The following INSL6 variants were observed in gnomAD, a reference collection of about 807,000 sequenced individuals.
The protein encoded by INSL6 is insulin like 6.
Under a neutral mutation model 9.4 loss-of-function variants are expected in INSL6, and 16 were observed. The ratio of observed to expected loss-of-function variants is 1.70; its 90% confidence interval spans 1.15 to 2.59. The LOEUF is 2.59. Among genes scored for constraint, INSL6 ranks in the 30% most tolerant of loss-of-function variants. The pLI is 0.00. For synonymous variants in INSL6, 154 were observed against 96.9 expected (o/e 1.59, Z -3.46); for missense variants, 391 against 257.3 (o/e 1.52, Z -3.56).
intron 3 of INSL6, among the ~76,000 whole-genome samples, chr9:5,130,792 G>A (rs4342662): frequency 0.24 from 36,526 of 149,684 alleles, 4,858 homozygotes; most frequent in South Asian, 0.3. Context: ...GCAGTGGCGC[G>A]ATCTCGGCTC....
At chr9:5,115,147 T>A in the INSL6 span, among the ~76,000 whole-genome samples, 13 of 151,718 alleles carry the variant, frequency 8.6e-5, no homozygotes, top group Admixed American at 8.5e-4. Flanking sequence ...ATGGGAAAAA[T>A]TTTTTGCAAT....
chr9:5,165,194 G>A (rs945526969), intron 1 of INSL6, among the ~76,000 whole-genome samples: 3 of 152,192 alleles, frequency 2.0e-5, no homozygotes, highest in African/African-American at 7.2e-5. Context: ...CTAGGTGACA[G>A]AGCAAGACTC....
chr9:5,047,709 C>A, the INSL6 span, among the ~76,000 whole-genome samples: 1 of 152,216 alleles, frequency 6.6e-6, no homozygotes, highest in Non-Finnish European at 1.5e-5. Context: ...CTTGCTTCAG[C>A]CTGTCAGCCT....
chr9:5,050,671 A>C, the INSL6 span: 5 of 1,606,872 alleles, frequency 3.1e-6, no homozygotes, highest in Middle Eastern at 1.7e-4. Flanking sequence ...ATTTCCTTCA[A>C]ATTTTTGGTT....
chr9:5,003,590 T>A, the INSL6 span, among the ~76,000 whole-genome samples: 1 of 152,080 alleles, frequency 6.6e-6, no homozygotes, highest in Non-Finnish European at 1.5e-5. Flanking sequence ...TTTGCTAAAT[T>A]CACTCAGTGA....
chr9:5,036,354 T>G, the INSL6 span, among the ~76,000 whole-genome samples: 2 of 152,190 alleles, frequency 1.3e-5, no homozygotes, highest in South Asian at 2.1e-4. Context: ...GATGACTTTC[T>G]TCACAGAATT....
the INSL6 span, among the ~76,000 whole-genome samples, chr9:5,072,078 G>A: frequency 6.6e-6 from 1 of 152,094 alleles, no homozygotes; most frequent in Non-Finnish European, 1.5e-5. Flanking sequence ...AGATTAAATA[G>A]CCTGTACAAG....
chr9:5,029,489 C>CAG, the INSL6 span, among the ~76,000 whole-genome samples: 2 of 152,044 alleles, frequency 1.3e-5, no homozygotes, highest in Admixed American at 6.5e-5. Flanking sequence ...ATGGTGCTGA[C>CAG]AGACTTACTA....
rs761365213 is a variant in INSL6 at position 5,185,442 on chromosome 9, CG to C, written c.160del (p.Arg54ValfsTer11). 2.4e-5 allele frequency: 39 copies of C among 1,614,052 alleles called. No individual in the cohort carries two copies. In the Admixed American group the frequency reaches 6.3e-4, roughly 26 times the overall value. On this transcript the variant is annotated frameshift_variant, in exon 1 of 2. Coordinates refer to ENST00000381641, the MANE Select transcript of INSL6 (RefSeq NM_007179.3). LOFTEE classifies it high-confidence loss of function. Reference protein sequence around the residue: ...LCGHANWSQFRFEEETPFSRL... With the variant: ...LCGHANWSQFXFEEETPFSRL... ...TGAGAAAGGGGTTTCCTCCTCGAAA[CG>C]GAACTGGCTCCAGTTGGCATGGCCG...
chr9:5,148,895 G>A (rs1199689669), intron 2 of INSL6, among the ~76,000 whole-genome samples: 8 of 152,166 alleles, frequency 5.3e-5, no homozygotes, highest in Non-Finnish European at 8.8e-5. Flanking sequence ...CTACAGGGCA[G>A]CCTGGCAGGG....
At chr9:5,049,455 T>C in the INSL6 span, among the ~76,000 whole-genome samples, 1 of 152,248 alleles carries the variant, frequency 6.6e-6, no homozygotes, top group South Asian at 2.1e-4. Context: ...CTGTTTTGTG[T>C]CCATCATACA....
At chr9:5,165,657 T>C (rs1433274176) in intron 1 of INSL6, among the ~76,000 whole-genome samples, 1 of 152,224 alleles carries the variant, frequency 6.6e-6, no homozygotes, top group Non-Finnish European at 1.5e-5. Context: ...AGAAACCATT[T>C]TGTTCTTTAT....
chr9:5,096,920 G>A, the INSL6 span: 1 of 152,068 alleles, frequency 6.6e-6, no homozygotes. Context: ...TAGTCCCTCT[G>A]ATAATTGCTG....
the INSL6 span, among the ~76,000 whole-genome samples, chr9:5,001,669 T>C: frequency 6.6e-6 from 1 of 151,930 alleles, no homozygotes; most frequent in African/African-American, 2.4e-5. Flanking sequence ...GTTTTGGTAT[T>C]AGGATAATTC....
At chr9:5,068,902 C>T in the INSL6 span, 1,084 of 599,292 alleles carry the variant, frequency 1.8e-3, 6 homozygotes, top group African/African-American at 0.016. Flanking sequence ...GGCACTACAT[C>T]GGATTCATGG....
At chr9:5,042,004 C>A in the INSL6 span, 1 of 348,144 alleles carries the variant, frequency 2.9e-6, no homozygotes, top group Non-Finnish European at 5.6e-6. Context: ...TGGGGCCCAC[C>A]CACAGCGGCC....
rs913059616 is a variant in INSL6, at chr9:5,164,126, C to G, written c.429G>C (p.Glu143Asp). 5 of 1,612,248 alleles carry G rather than the reference C, an allele frequency of 3.1e-6. No individual in the cohort carries two copies. In the African/African-American group the frequency reaches 5.4e-5, roughly 17 times the overall value. ...SSHNINVYIHENAKFQKKRRN... is the reference protein window; with the variant it reads ...SSHNINVYIHDNAKFQKKRRN... The stretch of plus-strand genomic sequence containing the variant: ...TACGTTTCTTCTGAAATTTTGCATT[C>G]TCATGAATATATACATTGATATTAT... Residue 143 changes from glutamate to aspartate, a missense_variant, in exon 2 of 2, where the codon GAG becomes GAC. Transcript: ENST00000381641.
At chr9:5,090,638 C>G in the INSL6 span, 1 of 1,525,608 alleles carries the variant, frequency 6.6e-7, no homozygotes, top group Admixed American at 2.2e-5. Flanking sequence ...AGGAAATCAT[C>G]TAGACGTTTT....
At chr9:5,132,420 A>G (rs1336385404) in intron 3 of INSL6, among the ~76,000 whole-genome samples, 1 of 152,154 alleles carries the variant, frequency 6.6e-6, no homozygotes, top group African/African-American at 2.4e-5. Flanking sequence ...GTGGAAGGTG[A>G]GAGTATGGAC....
Sources: gnomAD v4.1 joint callset for allele counts (sites outside exome capture counted in the v4.1 genomes callset) on GRCh38, gnomAD v4.1.1 for gene constraint, MANE v1.5 for transcripts, NCBI Gene and HGNC (gene_info 2026-07-23, HGNC 2026-07-21) for gene names.